COMMD10: variants seen among roughly 807,000 people sequenced by gnomAD.
The protein encoded by COMMD10 is COMM domain containing 10.
Under a neutral mutation model 28.9 loss-of-function variants are expected in COMMD10, and 33 were observed. The ratio of observed to expected loss-of-function variants is 1.14; its 90% CI spans 0.87 to 1.53. COMMD10 has a LOEUF of 1.53. Among genes scored for constraint, COMMD10 ranks in the 40% most tolerant of loss-of-function variants. COMMD10 has a pLI of 0.00. For synonymous variants in COMMD10, 110 were observed against 81.7 expected, an observed-to-expected ratio of 1.35 and a Z score of -1.87; for missense variants, 310 against 233.4, an observed-to-expected ratio of 1.33 and a Z score of -2.14.
intron 5 of COMMD10, among the ~76,000 whole-genome samples, chr5:116,163,401 A>G (rs938758569): frequency 2.1e-5 from 3 of 145,460 alleles, no homozygotes; most frequent in Non-Finnish European, 4.5e-5. Flanking sequence ...CCTGGCCAAC[A>G]TGGTGAAACC....
intron 4 of COMMD10, among the ~76,000 whole-genome samples, chr5:116,132,950 C>G (rs1000706724): frequency 1.5e-4 from 23 of 152,098 alleles, no homozygotes; most frequent in Admixed American, 1.4e-3. Context: ...AGAACTGTAT[C>G]TTTATTTTCT....
chr5:116,202,564 T>G (rs1014930143), intron 5 of COMMD10, among the ~76,000 whole-genome samples: 2,271 of 151,764 alleles, frequency 0.015, 56 homozygotes, highest in African/African-American at 0.048. Flanking sequence ...CCTGACTTTT[T>G]AATGATTGCC....
At chr5:116,156,595 CTTTTGAA>C (rs1280628361) in intron 5 of COMMD10, among the ~76,000 whole-genome samples, 2 of 151,930 alleles carry the variant, frequency 1.3e-5, no homozygotes. Flanking sequence ...GCCTGAAGGC[CTTTTGAA>C]TTTTGAATAC....
chr5:116,134,816 T>C (rs892233901), intron 5 of COMMD10, among the ~76,000 whole-genome samples: 3 of 152,038 alleles, frequency 2.0e-5, no homozygotes, highest in African/African-American at 7.2e-5. Context: ...AGAGATGGGG[T>C]TTCACCGTGT....
At chr5:116,090,392 G>A (rs1750257372) in intron 2 of COMMD10, among the ~76,000 whole-genome samples, 1 of 152,164 alleles carries the variant, frequency 6.6e-6, no homozygotes, top group Non-Finnish European at 1.5e-5. Context: ...TTTGCATTGG[G>A]AAATGCTGAT....
intron 5 of COMMD10, among the ~76,000 whole-genome samples, chr5:116,136,594 A>G (rs1265751305): frequency 1.3e-5 from 2 of 152,146 alleles, no homozygotes; most frequent in Non-Finnish European, 2.9e-5. Context: ...TTATATTTTT[A>G]GGCAGTAGGA....
At chr5:116,160,906 G>C (rs10056927) in intron 5 of COMMD10, among the ~76,000 whole-genome samples, 48,257 of 151,790 alleles carry the variant, frequency 0.32, 10,941 homozygotes, top group African/African-American at 0.65. Flanking sequence ...GTGCTATTCT[G>C]TGTTGAAAAT....
chr5:116,289,227 C>T (rs535990067), intron 5 of COMMD10, among the ~76,000 whole-genome samples: 1 of 151,724 alleles, frequency 6.6e-6, no homozygotes. Context: ...TTTTAAATTC[C>T]CAGTCAGGTA....
chr5:116,156,173 T>C (rs1329864020), intron 5 of COMMD10, among the ~76,000 whole-genome samples: 1 of 152,144 alleles, frequency 6.6e-6, no homozygotes. Flanking sequence ...AAAATAACTC[T>C]GTATTATATT....
chr5:116,116,079 T>C (rs1751224300), intron 4 of COMMD10, among the ~76,000 whole-genome samples: 1 of 152,200 alleles, frequency 6.6e-6, no homozygotes, highest in African/African-American at 2.4e-5. Flanking sequence ...AACTATTATA[T>C]AGTGAAACTT....
At position 116,292,648 on chromosome 5, in the gene COMMD10, A is replaced by T. The variant is rs947784868; in HGVS notation, c.*159A>T. Reference sequence around the variant, plus strand: ...AGACAAATAACAACCAATAGAGATCATTGTTAAGAATACTGAGGTTCTAAT... The same window carrying T: ...AGACAAATAACAACCAATAGAGATCTTTGTTAAGAATACTGAGGTTCTAAT... On this transcript the variant is annotated 3_prime_UTR_variant, in exon 7 of 7. Coordinates refer to ENST00000274458, the MANE Select transcript of COMMD10 (RefSeq NM_016144.4). 2.1e-6 allele frequency: 1 copy of T among 477,148 alleles called. No homozygotes were observed. Among genetic ancestry groups the T allele is most frequent in the Admixed American group, 3.7e-5 (1 of 26,764 alleles). The allele number at this position is 477,148 out of a possible 1,614,324, so 29.6% of individuals were successfully genotyped here.
intron 5 of COMMD10, among the ~76,000 whole-genome samples, chr5:116,259,554 T>G (rs1197690271): frequency 6.6e-6 from 1 of 151,718 alleles, no homozygotes; most frequent in Admixed American, 6.6e-5. Flanking sequence ...TGTTTGTTGT[T>G]TGTTGAATAG....
intron 5 of COMMD10, among the ~76,000 whole-genome samples, chr5:116,178,173 C>A (rs1747803748): frequency 6.6e-6 from 1 of 152,122 alleles, no homozygotes; most frequent in Non-Finnish European, 1.5e-5. Context: ...GAGCCAACTG[C>A]TTAAATGAAT....
chr5:116,269,577 T>TA (rs1750700261), intron 5 of COMMD10, among the ~76,000 whole-genome samples: 1 of 151,948 alleles, frequency 6.6e-6, no homozygotes, highest in Non-Finnish European at 1.5e-5. Flanking sequence ...TTACTTTTTA[T>TA]TACATTTATA....
intron 5 of COMMD10, among the ~76,000 whole-genome samples, chr5:116,283,788 A>G (rs1751141529): frequency 6.6e-6 from 1 of 151,846 alleles, no homozygotes; most frequent in Admixed American, 6.6e-5. Context: ...GAAATAATTT[A>G]TATTACATAT....
chr5:116,214,606 G>A (rs1003670690), intron 5 of COMMD10, among the ~76,000 whole-genome samples: 13 of 151,986 alleles, frequency 8.6e-5, no homozygotes, highest in African/African-American at 2.9e-4. Context: ...TTCAAAACCA[G>A]GCAATTAATG....
At chr5:116,092,743 G>A in intron 4 of COMMD10, 43 bp downstream of exon 4, 3 of 1,338,012 alleles carry the variant, frequency 2.2e-6, no homozygotes, top group South Asian at 1.7e-5. Flanking sequence ...AATAACATAT[G>A]GCATAAATTA....
chr5:116,160,851 A>C (rs937579627), intron 5 of COMMD10, among the ~76,000 whole-genome samples: 1 of 152,186 alleles, frequency 6.6e-6, no homozygotes, highest in East Asian at 1.9e-4. Flanking sequence ...TACGGGAAGC[A>C]GTGTGATTCA....
chr5:116,253,528 G>T (rs1750185819), intron 5 of COMMD10, among the ~76,000 whole-genome samples: 1 of 141,768 alleles, frequency 7.1e-6, no homozygotes, highest in African/African-American at 2.7e-5. Context: ...TTTTGTCAAA[G>T]GCCTTTTCTG....
Sources: allele counts gnomAD v4.1 joint callset (sites outside exome capture counted in the v4.1 genomes callset), GRCh38; gene constraint gnomAD v4.1.1; transcripts MANE v1.5; gene names NCBI Gene and HGNC (gene_info 2026-07-23, HGNC 2026-07-21).